HACE1: variants seen among roughly 807,000 people sequenced by gnomAD.
The protein encoded by HACE1 is HECT domain and ankyrin repeat containing E3 ubiquitin protein ligase 1.
Under a neutral mutation model 118.4 loss-of-function variants are expected in HACE1, and 73 were observed. That is an observed-to-expected ratio of 0.62 (90% CI 0.51 to 0.75). The LOEUF is 0.75. HACE1 is among the 30% of genes least tolerant of loss of function. HACE1 has a pLI of 0.00. For missense variants in HACE1, 749 were observed against 1,102.2 expected (o/e 0.68, Z 4.54); for synonymous variants, 368 against 374.8 (o/e 0.98, Z 0.21).
At chr6:104,839,461 T>C (rs1236566146) in intron 5 of HACE1, among the ~76,000 whole-genome samples, 1 of 152,198 alleles carries the variant, frequency 6.6e-6, no homozygotes, top group Non-Finnish European at 1.5e-5. Context: ...TGTAACATTC[T>C]TGAAATGACT....
At position 104,785,196 on chromosome 6, in the gene HACE1, G is replaced by C; in HGVS notation, c.1198C>G (p.Gln400Glu). 6.2e-7 allele frequency: 1 copy of C among 1,613,922 alleles called. No homozygotes were observed. Among genetic ancestry groups the C allele is most frequent in the Non-Finnish European group, 8.5e-7 (1 of 1,179,852 alleles). ...AATGGAGGAATGGAAGCAGCATCTT[G>C]ATCTTGGCCTTTTTGTTTCAGTAAA... ...SILLKQKGQD[Q>E]DAASIPPFEP... The change falls in exon 12 of 24, where the codon CAA (glutamine) becomes GAA (glutamate). Residue 400 changes from glutamine to glutamate, a missense_variant. Physicochemically the swap from Gln to Glu is conservative, Grantham distance 29. Transcript: ENST00000262903.
chr6:104,843,828 T>A (rs1034766268), intron 4 of HACE1, among the ~76,000 whole-genome samples: 7 of 152,110 alleles, frequency 4.6e-5, no homozygotes, highest in Non-Finnish European at 8.8e-5. Flanking sequence ...TTTTTTAAGT[T>A]ATTTGTATTG....
chr6:104,827,446 C>G (rs1398512371), intron 6 of HACE1, among the ~76,000 whole-genome samples: 3 of 152,092 alleles, frequency 2.0e-5, no homozygotes, highest in African/African-American at 4.8e-5. Context: ...AAAAACCTGT[C>G]CACCTTCACC....
At chr6:104,752,462 ATAAT>A (rs988731246) in intron 19 of HACE1, among the ~76,000 whole-genome samples, 2 of 151,900 alleles carry the variant, frequency 1.3e-5, no homozygotes, top group East Asian at 1.9e-4. Flanking sequence ...CCCCATTCAT[ATAAT>A]TAATTAATTA....
intron 22 of HACE1, 52 bp downstream of exon 22, chr6:104,744,108 A>T (rs904274820): frequency 4.7e-6 from 5 of 1,055,424 alleles, no homozygotes; most frequent in African/African-American, 1.6e-5. Flanking sequence ...CTAAGCCATT[A>T]AAAGCAGAAT....
intron 19 of HACE1, among the ~76,000 whole-genome samples, chr6:104,751,516 T>C (rs1462512373): frequency 6.6e-6 from 1 of 152,102 alleles, no homozygotes; most frequent in East Asian, 1.9e-4. Context: ...GTACTCCTAG[T>C]TACTAGGGGA....
At chr6:104,823,431 CAAA>C (rs767639076) in intron 6 of HACE1, among the ~76,000 whole-genome samples, 1 of 110,660 alleles carries the variant, frequency 9.0e-6, no homozygotes, top group Non-Finnish European at 1.9e-5. Flanking sequence ...GACTCTGTCT[CAAA>C]AAAAAAAAAA....
At position 104,782,805 on chromosome 6, in the gene HACE1, T is replaced by A. The variant is rs559014860; in HGVS notation, c.1566+1281A>T. Among the ~76,000 whole-genome samples the A allele has an allele frequency of 5.6e-4, 86 of 152,328 alleles. No homozygotes were observed. In the South Asian group the frequency reaches 0.017, roughly 30 times the overall value. On this transcript the variant is annotated intron_variant, in intron 14 of 23. Coordinates refer to ENST00000262903, the MANE Select transcript of HACE1 (RefSeq NM_020771.4). ...ATTTTATAAAAATTAGTTCATAGCT[T>A]AACTTCTGAAAGGACAAGTGTCCCT...
At chr6:104,754,999 G>T (rs562586670) in intron 19 of HACE1, among the ~76,000 whole-genome samples, 7 of 152,222 alleles carry the variant, frequency 4.6e-5, no homozygotes, top group African/African-American at 1.7e-4. Flanking sequence ...TGGCAAGCTG[G>T]ATGAAGAGCC....
At chr6:104,737,103 G>GT (rs1775931837) in intron 22 of HACE1, among the ~76,000 whole-genome samples, 1 of 148,452 alleles carries the variant, frequency 6.7e-6, no homozygotes, top group Admixed American at 6.7e-5. Context: ...GGCCACGATG[G>GT]TGAAACCTCA....
chr6:104,806,836 G>C (rs924747124), intron 7 of HACE1, among the ~76,000 whole-genome samples: 3 of 152,038 alleles, frequency 2.0e-5, no homozygotes, highest in African/African-American at 7.3e-5. Context: ...ACTTAGACCT[G>C]ATTTCTCAAA....
intron 11 of HACE1, among the ~76,000 whole-genome samples, chr6:104,787,854 G>A (rs1363942790): frequency 2.6e-5 from 4 of 152,004 alleles, no homozygotes; most frequent in African/African-American, 7.2e-5. Flanking sequence ...TTTAATAAAG[G>A]AACACAGCAA....
chr6:104,754,130 A>G (rs1411383587), intron 19 of HACE1, among the ~76,000 whole-genome samples: 3 of 152,144 alleles, frequency 2.0e-5, no homozygotes, highest in Non-Finnish European at 4.4e-5. Context: ...TCAATAGCAG[A>G]ATAGACCAAG....
intron 19 of HACE1, among the ~76,000 whole-genome samples, chr6:104,752,925 T>C (rs191781437): frequency 3.3e-5 from 5 of 152,254 alleles, no homozygotes; most frequent in Admixed American, 6.5e-5. Flanking sequence ...TGGATGGCAG[T>C]TGAACTAAAT....
chr6:104,848,727 T>C (rs1023664883), intron 4 of HACE1, among the ~76,000 whole-genome samples: 3 of 152,042 alleles, frequency 2.0e-5, no homozygotes, highest in Non-Finnish European at 2.9e-5. Flanking sequence ...AACAAGCAAT[T>C]TGCAAAATGA....
Position 104,785,109 on chromosome 6 carries a change from C to G in HACE1, c.1285G>C (p.Asp429His), listed in dbSNP as rs1337514957. The G allele has an allele frequency of 6.2e-7, 1 of 1,613,834 alleles. No homozygotes were observed. Among genetic ancestry groups the G allele is most frequent in the African/African-American group, 1.3e-5 (1 of 74,912 alleles). ...LSTGTRESKP[D>H]ALAGRQEASA... ...GCTTCCTGTCTCCCTGCAAGAGCAT[C>G]TGGTTTAGATTCCCTTGTGCCAGTG... Residue 429 changes from aspartate to histidine, a missense_variant, in exon 12 of 24, where the codon GAT becomes CAT. By Grantham distance (81) the Asp-to-His change is moderately conservative. This residue lies in a region of HACE1 where 267 missense variants were observed against 312.2 expected (regional missense o/e 0.86). Coordinates refer to ENST00000262903, the MANE Select transcript of HACE1 (RefSeq NM_020771.4).
intron 3 of HACE1, among the ~76,000 whole-genome samples, chr6:104,849,717 C>T (rs1776005158): frequency 6.8e-6 from 1 of 147,228 alleles, no homozygotes; most frequent in Non-Finnish European, 1.5e-5. Flanking sequence ...GGTGCGATGT[C>T]AGCTCACTGC....
At chr6:104,858,202 G>T (rs997765477) in intron 1 of HACE1, among the ~76,000 whole-genome samples, 1 of 151,822 alleles carries the variant, frequency 6.6e-6, no homozygotes, top group African/African-American at 2.4e-5. Flanking sequence ...AAAAAATATC[G>T]GGATTCAAAC....
At chr6:104,835,063 G>A (rs1348114123) in intron 5 of HACE1, among the ~76,000 whole-genome samples, 1 of 152,178 alleles carries the variant, frequency 6.6e-6, no homozygotes, top group Non-Finnish European at 1.5e-5. Context: ...TATCCAGCAC[G>A]CAGACTGTTA....
Sources: gnomAD v4.1 joint callset for allele counts (sites outside exome capture counted in the v4.1 genomes callset) on GRCh38, gnomAD v4.1.1 for gene constraint, gnomAD v4.1.1 regional missense constraint, MANE v1.5 for transcripts, NCBI Gene and HGNC (gene_info 2026-07-23, HGNC 2026-07-21) for gene names.